The following PEMT variants were observed in gnomAD, a reference collection of about 807,000 sequenced individuals.
PEMT encodes the protein phosphatidylethanolamine N-methyltransferase, also known as phospholipid methyltransferase.
Under a neutral mutation model 27.4 loss-of-function variants are expected in PEMT, and 23 were observed. That is an observed-to-expected ratio of 0.84 (90% CI 0.60 to 1.19). The LOEUF (loss-of-function observed/expected upper bound fraction) is 1.19. Among genes scored for constraint, PEMT ranks in the 50% most tolerant of loss-of-function variants. PEMT has a pLI of 0.00. For missense variants in PEMT, 307 were observed against 310.1 expected, an observed-to-expected ratio of 0.99 and a Z score of 0.07; for synonymous variants, 137 against 139.1, an observed-to-expected ratio of 0.98 and a Z score of 0.11.
At chr17:17,535,611 A>G (rs1438983910) in intron 2 of PEMT, among the ~76,000 whole-genome samples, 2 of 151,992 alleles carry the variant, frequency 1.3e-5, no homozygotes, top group Non-Finnish European at 2.9e-5. Flanking sequence ...TACATTCTGC[A>G]TTTCATATGC....
At chr17:17,556,015 C>T (rs1379689998) in intron 2 of PEMT, among the ~76,000 whole-genome samples, 4 of 152,346 alleles carry the variant, frequency 2.6e-5, no homozygotes, top group Admixed American at 6.5e-5. Flanking sequence ...CGCACTGTGC[C>T]GGGCACCAGG....
At chr17:17,516,828 T>A (rs1906871528) in intron 3 of PEMT, among the ~76,000 whole-genome samples, 1 of 152,086 alleles carries the variant, frequency 6.6e-6, no homozygotes, top group Non-Finnish European at 1.5e-5. Flanking sequence ...AGCTTCCCTG[T>A]CCTAAGTGTC....
chr17:17,526,734 CCT>C (rs1567683497), intron 2 of PEMT, among the ~76,000 whole-genome samples: 4 of 152,252 alleles, frequency 2.6e-5, no homozygotes, highest in African/African-American at 9.6e-5. Context: ...TTCTTGGTGT[CCT>C]TGGACTCAGA....
chr17:17,514,486 G>A (rs1359229436), intron 3 of PEMT, among the ~76,000 whole-genome samples: 2 of 152,256 alleles, frequency 1.3e-5, no homozygotes, highest in Non-Finnish European at 2.9e-5. Context: ...AGGACCCGGT[G>A]GCAGAGGCGG....
chr17:17,539,543 A>G (rs1908733609), intron 2 of PEMT, among the ~76,000 whole-genome samples: 1 of 152,156 alleles, frequency 6.6e-6, no homozygotes, highest in African/African-American at 2.4e-5. Flanking sequence ...GTGGCTACGC[A>G]GGATTCTTTG....
intron 2 of PEMT, among the ~76,000 whole-genome samples, chr17:17,570,047 G>A (rs1383143984): frequency 2.6e-5 from 4 of 152,202 alleles, no homozygotes; most frequent in African/African-American, 7.2e-5. Context: ...TGTCCACCAG[G>A]TGCCACTGCA....
At chr17:17,588,650 C>A (rs1168524487) in intron 1 of PEMT, among the ~76,000 whole-genome samples, 1 of 152,232 alleles carries the variant, frequency 6.6e-6, no homozygotes, top group African/African-American at 2.4e-5. Flanking sequence ...GGAAAAGGGA[C>A]CTGAGACCTG....
At chr17:17,578,070 G>C (rs1911743356) in intron 1 of PEMT, among the ~76,000 whole-genome samples, 1 of 151,122 alleles carries the variant, frequency 6.6e-6, no homozygotes, top group Non-Finnish European at 1.5e-5. Flanking sequence ...GAAACGTTCT[G>C]AAACACACGG....
chr17:17,583,486 G>C (rs2142757773), intron 1 of PEMT, among the ~76,000 whole-genome samples: 1 of 152,272 alleles, frequency 6.6e-6, no homozygotes, highest in South Asian at 2.1e-4. Flanking sequence ...CCACATAAGA[G>C]GCCACCTGGC....
chr17:17,506,800 G>A (rs899675774), intron 5 of PEMT, among the ~76,000 whole-genome samples: 33 of 152,340 alleles, frequency 2.2e-4, no homozygotes, highest in Non-Finnish European at 4.0e-4. Context: ...GGCCACAGGT[G>A]CAACCCCATG....
chr17:17,586,794 G>C (rs1030654563), intron 1 of PEMT, among the ~76,000 whole-genome samples: 2 of 152,152 alleles, frequency 1.3e-5, no homozygotes, highest in East Asian at 1.9e-4. Context: ...CTTGAGGTCA[G>C]GAGTTCAAGA....
intron 1 of PEMT, among the ~76,000 whole-genome samples, chr17:17,590,543 C>A (rs1912538201): frequency 6.6e-6 from 1 of 152,262 alleles, no homozygotes; most frequent in Non-Finnish European, 1.5e-5. Context: ...TACAATCTCC[C>A]TCCCTAGAAT....
chr17:17,538,720 C>T (rs1908669963), intron 2 of PEMT, among the ~76,000 whole-genome samples: 1 of 152,176 alleles, frequency 6.6e-6, no homozygotes, highest in South Asian at 2.1e-4. Flanking sequence ...TAAAACAAAC[C>T]CACCTGTACA....
At position 17,544,284 on chromosome 17, in the gene PEMT, C is replaced by CT. The variant is rs200066506; in HGVS notation, c.205-21890dup. ...CCCAGCTTGTGTTTCTTTTTCTTTT[C>CT]TTTTTTTTTTTTTTAGACGGAGTTT... On this transcript the variant is annotated intron_variant, in intron 2 of 6. Transcript: ENST00000255389. 1.7e-3 allele frequency among the ~76,000 whole-genome samples: 241 copies of CT among 143,766 alleles called. 1 individual carries two copies. Among genetic ancestry groups the CT allele is most frequent in the Middle Eastern group, 0.011 (3 of 274 alleles). 94.3% of individuals were successfully genotyped at this position (143,766 alleles called of 152,430 possible).
intron 3 of PEMT, among the ~76,000 whole-genome samples, chr17:17,520,439 C>T (rs1907178220): frequency 6.6e-6 from 1 of 152,246 alleles, no homozygotes; most frequent in African/African-American, 2.4e-5. Flanking sequence ...CTGGTCAGCG[C>T]TTCATGAGCT....
chr17:17,586,221 AAAG>A, intron 1 of PEMT, among the ~76,000 whole-genome samples: 1 of 43,122 alleles, frequency 2.3e-5, no homozygotes, highest in African/African-American at 1.1e-4. Flanking sequence ...AAAGAAAAAG[AAAG>A]AAAGAAAGAA....
intron 3 of PEMT, among the ~76,000 whole-genome samples, chr17:17,514,123 G>T (rs1266935478): frequency 2.6e-5 from 4 of 152,156 alleles, no homozygotes; most frequent in Non-Finnish European, 5.9e-5. Context: ...AAGTATCTTT[G>T]TTTGCTAGGC....
In PEMT at chr17:17,545,348, T is replaced by C. The variant is rs1446512101; in HGVS notation, c.205-22953A>G. ...GTGTGCCCGGAGGTCACATGCCCCA[T>C]GGTCTCCAGCACGTTGCATGCTCCT... On this transcript the variant is annotated intron_variant, in intron 2 of 6. Coordinates refer to ENST00000255389, the MANE Select transcript of PEMT (RefSeq NM_148172.3). 9.2e-5 allele frequency among the ~76,000 whole-genome samples: 14 copies of C among 152,336 alleles called. No homozygotes were observed. In the East Asian group the frequency reaches 2.7e-3, roughly 29 times the overall value.
At chr17:17,563,358 C>T (rs1910618331) in intron 2 of PEMT, among the ~76,000 whole-genome samples, 1 of 152,162 alleles carries the variant, frequency 6.6e-6, no homozygotes, top group Admixed American at 6.5e-5. Context: ...TGGCCTCTGA[C>T]CCCTCAGCCC....
Sources: gnomAD v4.1 joint callset for allele counts (sites outside exome capture counted in the v4.1 genomes callset) on GRCh38, gnomAD v4.1.1 for gene constraint, MANE v1.5 for transcripts, NCBI Gene and HGNC (gene_info 2026-07-23, HGNC 2026-07-21) for gene names.